Variants in SLC40A1 observed in about 807,000 individuals in gnomAD.
SLC40A1 encodes ferroportin.
In SLC40A1, 16 loss-of-function variants were observed where a neutral mutation model predicts 53.5. The ratio of observed to expected loss-of-function variants is 0.30; its 90% CI spans 0.20 to 0.45. The LOEUF is 0.45. Ranked by LOEUF, SLC40A1 falls within the 20% of genes least tolerant of loss-of-function variation. SLC40A1 has a pLI of 1.00. For synonymous variants in SLC40A1, 247 were observed against 253.2 expected (o/e 0.98, Z 0.23); for missense variants, 545 against 695.4 (o/e 0.78, Z 2.43).
rs11568347 is a variant in SLC40A1, at chr2:189,575,150, AC to A, written c.271+10del. ...ATGAATAAAAGGGCTTAATTATATA[AC>A]AACACTCACCTTTAAGTCTAGCATT... is the stretch of plus-strand genomic sequence containing the variant. On this transcript the variant is annotated intron_variant, in intron 3 of 7. Coordinates refer to ENST00000261024, the MANE Select transcript of SLC40A1 (RefSeq NM_014585.6). The A allele has an allele frequency of 6.2e-7, 1 of 1,613,634 alleles. No homozygotes were observed. The highest frequency in any genetic ancestry group is 8.5e-7 in the Non-Finnish European group (1 of 1,179,840).
chr2:189,570,076 A>G (rs2031079245), intron 5 of SLC40A1, among the ~76,000 whole-genome samples: 1 of 150,258 alleles, frequency 6.7e-6, no homozygotes, highest in African/African-American at 2.4e-5. Context: ...ATATATATAC[A>G]CATCTATATA....
intron 7 of SLC40A1, 57 bp downstream of exon 7, chr2:189,563,527 A>C: frequency 6.7e-7 from 1 of 1,499,138 alleles, no homozygotes; most frequent in Non-Finnish European, 9.2e-7. Context: ...GGATTCTCTG[A>C]ACCTACATTA....
rs777212338 is a variant in SLC40A1 at position 189,564,239 on chromosome 2, A to G, written c.761-14T>C. 13 of 1,612,354 alleles carry G rather than the reference A, an allele frequency of 8.1e-6. No individual in the cohort carries two copies. In the Admixed American group the frequency reaches 2.2e-4, roughly 27 times the overall value. On this transcript the variant is annotated splice_polypyrimidine_tract_variant and intron_variant, in intron 6 of 7. Coordinates refer to ENST00000261024, the MANE Select transcript of SLC40A1 (RefSeq NM_014585.6). The stretch of plus-strand genomic sequence containing the variant: ...TTGGCTCAGTATCTGTTAAGAAAAG[A>G]TACCATTATTTTGTTGGGGAGGACA...
intron 2 of SLC40A1, chr2:189,578,317 T>G (rs1324701439): frequency 2.0e-6 from 2 of 1,002,366 alleles, no homozygotes; most frequent in East Asian, 2.3e-4. Flanking sequence ...GTTTGTTTAA[T>G]CCAACTTTCT....
In SLC40A1 at chr2:189,578,750, C is replaced by A. The variant is rs189105276; in HGVS notation, c.111+1063G>T. 5.2e-3 allele frequency among the ~76,000 whole-genome samples: 793 copies of A among 152,296 alleles called. 6 individuals are homozygous for A. Among genetic ancestry groups the A allele is most frequent in the Non-Finnish European group, 7.0e-3 (476 of 68,022 alleles). ...TTGTTTACATGTATTTGCAGAGTCA[C>A]CCCTGTGTAAGCCTCTGGTAAGATA... On this transcript the variant is annotated intron_variant, in intron 2 of 7. Transcript: ENST00000261024.
intron 5 of SLC40A1, 52 bp downstream of exon 5, chr2:189,571,663 T>C: frequency 6.3e-7 from 1 of 1,597,726 alleles, no homozygotes; most frequent in South Asian, 1.1e-5. Flanking sequence ...TCACCACCGA[T>C]TTAAAGTGAA....
In SLC40A1 at chr2:189,560,746, C is replaced by T. The variant is rs1169208301; in HGVS notation, c.*1132G>A. On this transcript the variant is annotated 3_prime_UTR_variant, in exon 8 of 8. Transcript: ENST00000261024. ...ACGTATTGCAGTCTCCATGAAAGTG[C>T]ATATAAACGGTTAAGGCAAAGTACC... 1 of 152,684 alleles carries T rather than the reference C, an allele frequency of 6.5e-6. No homozygotes were observed. The highest frequency in any genetic ancestry group is 2.4e-5 in the African/African-American group (1 of 41,550). 9.5% of individuals were successfully genotyped at this position (152,684 alleles called of 1,614,324 possible).
chr2:189,580,604 AC>A lies in SLC40A1; in HGVS notation c.-145del, dbSNP rs1559016550. 6.4e-7 allele frequency: 1 copy of A among 1,561,060 alleles called. No individual in the cohort carries two copies. Among genetic ancestry groups the A allele is most frequent in the African/African-American group, 1.4e-5 (1 of 73,918 alleles). ...CTTGGGCAAAAAGACTACAACGACG[AC>A]TTTGGCAAAGAACAAAAGAAAAGGG... On this transcript the variant is annotated 5_prime_UTR_variant, in exon 1 of 8. Coordinates refer to ENST00000261024, the MANE Select transcript of SLC40A1 (RefSeq NM_014585.6).
In SLC40A1 at chr2:189,580,615, G is replaced by C. The variant is rs2031438380; in HGVS notation, c.-155C>G. The C allele has an allele frequency of 1.3e-6, 2 of 1,545,914 alleles. No individual in the cohort carries two copies. The highest frequency in any genetic ancestry group is 2.7e-5 in the African/African-American group (2 of 73,008). ...AGACTACAACGACGACTTTGGCAAA[G>C]AACAAAAGAAAAGGGGCCCAGGGAT... is the stretch of plus-strand genomic sequence containing the variant. On this transcript the variant is annotated 5_prime_UTR_variant, in exon 1 of 8. Transcript: ENST00000261024.
rs1429598369 is a variant in SLC40A1, at chr2:189,563,794, G to A, written c.1192C>T (p.Leu398=). 4 of 1,614,052 alleles carry A rather than the reference G, an allele frequency of 2.5e-6. No individual in the cohort carries two copies. Among genetic ancestry groups the A allele is most frequent in the Middle Eastern group, 1.6e-4 (1 of 6,084 alleles). Residue 398 remains leucine (L), a synonymous_variant, in exon 7 of 8, where the codon CTG becomes TTG. Coordinates refer to ENST00000261024, the MANE Select transcript of SLC40A1 (RefSeq NM_014585.6). ...VISVFMPGSP[L]DLSVSPFEDI... ...TCAAAAGGAGAAACGGACAAGTCCAGGGGGCTTCCAGGCATGAATACAGAG... is the reference window on the plus strand; with the variant it reads ...TCAAAAGGAGAAACGGACAAGTCCAAGGGGCTTCCAGGCATGAATACAGAG...
At chr2:189,573,352 G>A (rs1319935298) in intron 3 of SLC40A1, among the ~76,000 whole-genome samples, 1 of 152,214 alleles carries the variant, frequency 6.6e-6, no homozygotes, top group African/African-American at 2.4e-5. Flanking sequence ...TAAAGAGGAA[G>A]TTATGAAATC....
intron 2 of SLC40A1, among the ~76,000 whole-genome samples, chr2:189,576,147 C>G (rs149092476): frequency 6.6e-6 from 1 of 152,128 alleles, no homozygotes; most frequent in African/African-American, 2.4e-5. Flanking sequence ...CTTAAAAAAT[C>G]TACAGTGGAC....
chr2:189,575,963 C>T (rs562786879), intron 2 of SLC40A1, among the ~76,000 whole-genome samples: 42 of 152,256 alleles, frequency 2.8e-4, no homozygotes, highest in African/African-American at 9.6e-4. Flanking sequence ...CAGAAATAAA[C>T]TTAAATGCCT....
chr2:189,572,501 G>T, intron 4 of SLC40A1: 1 of 307,738 alleles, frequency 3.2e-6, no homozygotes, highest in South Asian at 3.5e-5. Flanking sequence ...TTGGAGGAAC[G>T]CAATTATGAC....
intron 5 of SLC40A1, among the ~76,000 whole-genome samples, chr2:189,567,800 C>T (rs958262711): frequency 6.6e-6 from 1 of 152,256 alleles, no homozygotes; most frequent in South Asian, 2.1e-4. Context: ...GAGGCAAAGG[C>T]AGCCTTCATT....
Position 189,580,731 on chromosome 2 carries a change from G to C in SLC40A1, c.-271C>G, listed in dbSNP as rs751857968. 60 of 1,366,112 alleles carry C rather than the reference G, an allele frequency of 4.4e-5. 2 individuals are homozygous for C. In the East Asian group the frequency reaches 7.5e-4, roughly 17 times the overall value. 84.6% of individuals were successfully genotyped at this position (1,366,112 alleles called of 1,614,324 possible). A position where few individuals can be genotyped will look rare whatever the true frequency, so the allele number is the denominator to read the frequency against. On this transcript the variant is annotated 5_prime_UTR_variant, in exon 1 of 8. Transcript: ENST00000261024. ...TGGAAGCGGTTTGGGAGGCTCAGCA[G>C]GTCGTCCGAGCCTAGCGGACGCCCT... is the stretch of plus-strand genomic sequence containing the variant.
chr2:189,579,895 G>T lies in SLC40A1; in HGVS notation c.44-15C>A, dbSNP rs761253883. ...GGCCAAGGATCCTGCAAAGACACAG[G>T]CGGGGTGACAAAAAGCGATGGTAGT... is the stretch of plus-strand genomic sequence containing the variant. On this transcript the variant is annotated splice_polypyrimidine_tract_variant and intron_variant, in intron 1 of 7. Transcript: ENST00000261024. 6.2e-7 allele frequency: 1 copy of T among 1,613,978 alleles called. No individual in the cohort carries two copies. Among genetic ancestry groups the T allele is most frequent in the South Asian group, 1.1e-5 (1 of 91,080 alleles).
intron 1 of SLC40A1, 91 bp from the exon 2 acceptor site, chr2:189,579,971 A>C (rs1034662990): frequency 6.9e-6 from 9 of 1,295,062 alleles, no homozygotes; most frequent in Admixed American, 3.7e-5. Flanking sequence ...TCATTAGAAC[A>C]TGATTATTAA....
intron 7 of SLC40A1, among the ~76,000 whole-genome samples, chr2:189,563,018 T>G (rs1273403776): frequency 2.0e-5 from 3 of 152,046 alleles, no homozygotes; most frequent in Non-Finnish European, 4.4e-5. Flanking sequence ...ATATAGCTAA[T>G]ATCTTTTATA....
Sources: allele counts gnomAD v4.1 joint callset (sites outside exome capture counted in the v4.1 genomes callset), GRCh38; gene constraint gnomAD v4.1.1; transcripts MANE v1.5; gene names NCBI Gene and HGNC (gene_info 2026-07-23, HGNC 2026-07-21).